NXPE1: variants seen among roughly 807,000 people sequenced by gnomAD.
The protein encoded by NXPE1 is neurexophilin and PC-esterase domain family member 1.
NXPE1 carries 31 observed loss-of-function variants against 33.3 expected under a neutral mutation model. That is an observed-to-expected ratio of 0.93 (90% CI 0.70 to 1.26). The LOEUF is 1.26. NXPE1 is among the 50% of genes most tolerant of loss of function. NXPE1 has a pLI of 0.00. For missense variants in NXPE1, 661 were observed against 655.6 expected, an observed-to-expected ratio of 1.01 and a Z score of -0.09; for synonymous variants, 229 against 231.4, an observed-to-expected ratio of 0.99 and a Z score of 0.09.
At chr11:114,548,261 T>G (rs1948347414) in intron 5 of NXPE1, among the ~76,000 whole-genome samples, 1 of 152,120 alleles carries the variant, frequency 6.6e-6, no homozygotes. Flanking sequence ...GACTTATTTA[T>G]AGCATGCCAA....
rs141030364 is a variant in NXPE1, at chr11:114,526,129, G to T, written c.895+1711C>A. Among the ~76,000 whole-genome samples, 582 of 152,292 alleles carry T rather than the reference G, an allele frequency of 3.8e-3. 5 individuals are homozygous for T. The highest frequency in any genetic ancestry group is 5.9e-3 in the Non-Finnish European group (403 of 68,034). On this transcript the variant is annotated intron_variant, in intron 7 of 8. Coordinates refer to ENST00000534921, the Ensembl canonical transcript of NXPE1. ...GTGGCTTTGAAGATAGAGGAAGAGG[G>T]CTGCAAGGAATGTGGGCAGCCTTAA...
intron 5 of NXPE1, among the ~76,000 whole-genome samples, chr11:114,545,737 G>A (rs1329964475): frequency 1.3e-5 from 2 of 150,446 alleles, no homozygotes; most frequent in Non-Finnish European, 2.9e-5. Context: ...TCTCCAGGCT[G>A]GAGTGCAGTG....
intron 1 of NXPE1, among the ~76,000 whole-genome samples, chr11:114,557,668 T>A (rs1323218801): frequency 9.3e-6 from 1 of 107,754 alleles, no homozygotes; most frequent in Non-Finnish European, 2.0e-5. Flanking sequence ...TATATATATA[T>A]ATATAAAATC....
intron 1 of NXPE1, among the ~76,000 whole-genome samples, chr11:114,554,617 G>A (rs1948606367): frequency 6.6e-6 from 1 of 152,062 alleles, no homozygotes; most frequent in Non-Finnish European, 1.5e-5. Context: ...TTAGCAGCCA[G>A]GTCTTATATT....
chr11:114,555,156 C>T (rs1948618972), intron 1 of NXPE1, among the ~76,000 whole-genome samples: 3 of 151,746 alleles, frequency 2.0e-5, no homozygotes, highest in Non-Finnish European at 4.4e-5. Flanking sequence ...ATTTCTGGGG[C>T]ATTAACTGGG....
At chr11:114,539,752 TA>T (rs1948011242) in intron 5 of NXPE1, among the ~76,000 whole-genome samples, 1 of 152,094 alleles carries the variant, frequency 6.6e-6, no homozygotes, top group Admixed American at 6.5e-5. Flanking sequence ...AATATAATTG[TA>T]AAGTGCAATA....
At position 114,551,216 on chromosome 11, in the gene NXPE1, G is replaced by A. The variant is rs1457394538; in HGVS notation, c.-10-5C>T. On this transcript the variant is annotated splice_region_variant and splice_polypyrimidine_tract_variant and intron_variant, in intron 4 of 8. Transcript: ENST00000534921. ...TTTGAGGACATGACGAATGTCCTAGGAGAGATGACACAAGAGAGGAGTCGT... is the reference window on the plus strand; with the variant it reads ...TTTGAGGACATGACGAATGTCCTAGAAGAGATGACACAAGAGAGGAGTCGT... The A allele has an allele frequency of 6.7e-7, 1 of 1,498,910 alleles. No homozygotes were observed. The highest frequency in any genetic ancestry group is 2.0e-5 in the Admixed American group (1 of 50,860). The allele number at this position is 1,498,910 out of a possible 1,614,324, so 92.9% of individuals were successfully genotyped here.
At chr11:114,553,624 C>T in intron 1 of NXPE1, 2 of 725,642 alleles carry the variant, frequency 2.8e-6, no homozygotes, top group Non-Finnish European at 3.4e-6. Flanking sequence ...TAAGTAACTG[C>T]AAATCAGACT....
At chr11:114,523,135 A>G (rs759209567) in intron 7 of NXPE1, 44 bp from the exon 8 acceptor site, 1 of 1,388,724 alleles carries the variant, frequency 7.2e-7, no homozygotes, top group East Asian at 2.3e-5. Context: ...GGCAAAACTT[A>G]GACATCTAGC....
chr11:114,530,439 G>A lies in NXPE1; in HGVS notation c.569C>T (p.Ser190Leu), dbSNP rs147257242. Residue 190 changes from serine (S) to leucine (L), a missense_variant, in exon 6 of 9, where the codon TCG (serine) becomes TTG (leucine). Ser to Leu is a moderately radical substitution (Grantham distance 145). Transcript: ENST00000534921. ...TTGGTTCCTTGCCCTCCAGAGAGCC[G>A]ACGCCCCTTCACTGGGGTGGATGAG... 47 of 1,614,184 alleles carry A rather than the reference G, an allele frequency of 2.9e-5. No individual in the cohort carries two copies. The highest frequency in any genetic ancestry group is 2.4e-4 in the African/African-American group (18 of 75,042).
intron 7 of NXPE1, among the ~76,000 whole-genome samples, chr11:114,524,905 CA>C (rs1947323662): frequency 6.6e-6 from 1 of 152,148 alleles, no homozygotes; most frequent in South Asian, 2.1e-4. Context: ...CAGGCAAAAG[CA>C]ACTCCATTTT....
intron 7 of NXPE1, 149 bp from the exon 8 acceptor site, chr11:114,523,240 A>G: frequency 6.4e-6 from 4 of 623,212 alleles, no homozygotes; most frequent in East Asian, 2.7e-5. Flanking sequence ...TTCTTTGATC[A>G]TTAGCTTTGC....
rs1222898580 is a variant in NXPE1 at position 114,522,489 on chromosome 11, C to G, written c.1123G>C (p.Asp375His). 5.0e-6 allele frequency: 8 copies of G among 1,593,494 alleles called. No individual in the cohort carries two copies. In the Admixed American group the frequency reaches 1.2e-4, roughly 25 times the overall value. ...TTAAAGATTCCAGTTTCATGAAGATCAAAAAACTTCAGTGCTGATAAAAAA... is the reference window on the plus strand; with the variant it reads ...TTAAAGATTCCAGTTTCATGAAGATGAAAAAACTTCAGTGCTGATAAAAAA... The change falls in exon 9 of 9, where the codon GAT (aspartate) becomes CAT (histidine). Residue 375 changes from aspartate to histidine, a missense_variant. Physicochemically the swap from Asp to His is moderately conservative, Grantham distance 81. Transcript: ENST00000534921.
In NXPE1 at chr11:114,551,375, T is replaced by C; in HGVS notation, c.-11+8A>G. ...CTAACAACTCATACCCCCAATCCCT[T>C]TGTCTACCTATTGGATACTTCTTGT... On this transcript the variant is annotated splice_region_variant and intron_variant, in intron 4 of 8. Coordinates refer to ENST00000534921, the Ensembl canonical transcript of NXPE1. The C allele has an allele frequency of 1.4e-6, 2 of 1,395,156 alleles. No homozygotes were observed. Among genetic ancestry groups the C allele is most frequent in the Non-Finnish European group, 9.3e-7 (1 of 1,079,158 alleles). The allele number at this position is 1,395,156 out of a possible 1,614,324, so 86.4% of individuals were successfully genotyped here.
exon 6 of NXPE1, chr11:114,530,400 A>G (rs1947535356): frequency 1.2e-6 from 2 of 1,614,206 alleles, no homozygotes; most frequent in East Asian, 4.5e-5. Context: ...TTTGAAAATA[A>G]TTTTATCATA....
chr11:114,557,655 A>G (rs1477422911), intron 1 of NXPE1, among the ~76,000 whole-genome samples: 5 of 141,738 alleles, frequency 3.5e-5, no homozygotes, highest in Non-Finnish European at 6.1e-5. Context: ...ATATATATAT[A>G]TATATATATA....
chr11:114,536,767 C>T (rs1421013376), intron 5 of NXPE1, among the ~76,000 whole-genome samples: 5 of 152,084 alleles, frequency 3.3e-5, no homozygotes, highest in African/African-American at 7.2e-5. Context: ...CAATAACAGG[C>T]TCTGAAATTG....
chr11:114,537,709 G>A (rs1343237626), intron 5 of NXPE1, among the ~76,000 whole-genome samples: 1 of 151,972 alleles, frequency 6.6e-6, no homozygotes, highest in Non-Finnish European at 1.5e-5. Context: ...AAATACCTAG[G>A]AATCCAACTT....
At chr11:114,519,127 G>A (rs1947147342), downstream of NXPE1, among the ~76,000 whole-genome samples, 2 of 152,090 alleles carry the variant, frequency 1.3e-5, no homozygotes, top group Non-Finnish European at 2.9e-5. Flanking sequence ...AGCCACACAC[G>A]TTTTATGAGC....
Sources: gnomAD v4.1 joint callset for allele counts (sites outside exome capture counted in the v4.1 genomes callset) on GRCh38, gnomAD v4.1.1 for gene constraint, MANE v1.5 for transcripts, NCBI Gene and HGNC (gene_info 2026-07-23, HGNC 2026-07-21) for gene names.